FAM161B: variants seen among roughly 807,000 people sequenced by gnomAD.
FAM161B encodes the protein FAM161 centrosomal protein B.
Under a neutral mutation model 61.5 loss-of-function variants are expected in FAM161B, and 46 were observed. The observed-to-expected ratio is 0.75, with a 90% CI of 0.59 to 0.96. FAM161B has a LOEUF of 0.96. Ranked by LOEUF, FAM161B falls within the 40% of genes least tolerant of loss-of-function variation. FAM161B has a pLI of 0.00. For missense variants in FAM161B, 774 were observed against 800.7 expected (o/e 0.97, Z 0.40); for synonymous variants, 284 against 302.7 (o/e 0.94, Z 0.64).
At chr14:73,924,555 G>A in the FAM161B span, 1 of 358,946 alleles carries the variant, frequency 2.8e-6, no homozygotes, top group Non-Finnish European at 5.4e-6. Context: ...TGTGTCATGG[G>A]AGTGGATGAC....
rs1355441392 is a variant in FAM161B at position 73,938,009 on chromosome 14, T to C, written c.1504A>G (p.Lys502Glu). Residue 502 changes from lysine (K) to glutamate (E), a missense_variant, in exon 6 of 9, where the codon AAA becomes GAA. By Grantham distance (56) the Lys-to-Glu change is moderately conservative. Transcript: ENST00000286544. Reference protein sequence around the residue: ...AMSKSVTLRAKAMDPHKSLEE... With the variant: ...AMSKSVTLRAEAMDPHKSLEE... ...AGGCTTTTATGGGGATCCATGGCTT[T>C]TGCACGCAAGGTCACAGATTTGGAC... 6.2e-7 allele frequency: 1 copy of C among 1,614,232 alleles called. No homozygotes were observed. The highest frequency in any genetic ancestry group is 1.3e-5 in the African/African-American group (1 of 75,064).
At chr14:73,938,531 G>C (rs1049992787) in intron 5 of FAM161B, among the ~76,000 whole-genome samples, 1 of 152,046 alleles carries the variant, frequency 6.6e-6, no homozygotes, top group Admixed American at 6.5e-5. Context: ...CCAGCACTTT[G>C]GGAGGCCGAG....
intron 4 of FAM161B, 141 bp from the exon 5 acceptor site, chr14:73,941,194 T>A: frequency 9.4e-7 from 1 of 1,059,086 alleles, no homozygotes; most frequent in Non-Finnish European, 1.3e-6. Context: ...CTCGGCTCAC[T>A]GCAACCTCCA....
chr14:73,929,039 A>C (rs933247985), downstream of FAM161B, among the ~76,000 whole-genome samples: 2 of 152,152 alleles, frequency 1.3e-5, no homozygotes, highest in African/African-American at 4.8e-5. Context: ...AATATTAACA[A>C]CACAAAAGGG....
intron 2 of FAM161B, among the ~76,000 whole-genome samples, chr14:73,945,587 C>G (rs946991857): frequency 6.6e-6 from 1 of 151,658 alleles, no homozygotes; most frequent in Non-Finnish European, 1.5e-5. Context: ...TGCCACCATG[C>G]CCGGCTAATT....
At chr14:73,948,849 C>CT (rs2056093749) in intron 1 of FAM161B, among the ~76,000 whole-genome samples, 1 of 152,172 alleles carries the variant, frequency 6.6e-6, no homozygotes, top group Non-Finnish European at 1.5e-5. Context: ...CACTGGCTCA[C>CT]GCCTGTAATC....
Position 73,944,885 on chromosome 14 carries a change from C to T in FAM161B, c.375G>A (p.Arg125=), listed in dbSNP as rs1201510304. ...MVQVQCPQAL[R]CGSTRRCSSL... ...AGCTGCAGCGCCTTGTGGAGCCACA[C>T]CTGGGAAAAAAGCAGATCTGTGAGT... Residue 125 remains arginine, a splice_region_variant and synonymous_variant, in exon 3 of 9, where the codon AGG becomes AGA. Transcript: ENST00000286544. 3 of 1,508,924 alleles carry T rather than the reference C, an allele frequency of 2.0e-6. No individual in the cohort carries two copies. Among genetic ancestry groups the T allele is most frequent in the Non-Finnish European group, 1.8e-6 (2 of 1,131,060 alleles). The allele number at this position is 1,508,924 out of a possible 1,614,324, so 93.5% of individuals were successfully genotyped here. A position where few individuals can be genotyped will look rare whatever the true frequency, so the allele number is the denominator to read the frequency against.
At chr14:73,928,249 G>A (rs138653518), downstream of FAM161B, among the ~76,000 whole-genome samples, 52 of 152,290 alleles carry the variant, frequency 3.4e-4, 1 homozygote, top group East Asian at 9.5e-3. Flanking sequence ...TCTTGATGGA[G>A]AAGTAGGAGT....
At chr14:73,942,826 G>A (rs2056031676) in intron 3 of FAM161B, 111 bp from the exon 4 acceptor site, 5 of 984,578 alleles carry the variant, frequency 5.1e-6, no homozygotes, top group Non-Finnish European at 4.4e-6. Flanking sequence ...GAGGCAAGTA[G>A]GAACTTTTCA....
At chr14:73,927,985 C>T (rs1300031777), downstream of FAM161B, 1 of 173,546 alleles carries the variant, frequency 5.8e-6, no homozygotes, top group Non-Finnish European at 1.3e-5. Context: ...TTACAGGCGG[C>T]CACCACCACA....
intron 3 of FAM161B, 47 bp downstream of exon 3, chr14:73,944,288 T>C (rs752257271): frequency 3.9e-6 from 6 of 1,532,832 alleles, no homozygotes; most frequent in Middle Eastern, 1.8e-4. Context: ...TATGGTGGGA[T>C]TGGTTCCCCG....
At chr14:73,945,971 A>T (rs1011620073) in intron 2 of FAM161B, among the ~76,000 whole-genome samples, 1 of 152,000 alleles carries the variant, frequency 6.6e-6, no homozygotes, top group Non-Finnish European at 1.5e-5. Context: ...CGAATTCCTG[A>T]CCTCAAGTGA....
rs371297721 is a variant in FAM161B at position 73,944,315 on chromosome 14, G to A, written c.925+20C>T. 5.6e-5 allele frequency: 87 copies of A among 1,550,254 alleles called. No individual in the cohort carries two copies. The African/African-American group carries it at 1.1e-3, about 20-fold the overall frequency. The stretch of plus-strand genomic sequence containing the variant: ...GGTTCCCCGAGGCAGGAGGCAGCAA[G>A]GTGGCAAGGATGTCTTTACCCTGGA... On this transcript the variant is annotated intron_variant, in intron 3 of 8. Transcript: ENST00000286544.
At chr14:73,928,303 T>C (rs1044729639), downstream of FAM161B, among the ~76,000 whole-genome samples, 1 of 151,726 alleles carries the variant, frequency 6.6e-6, no homozygotes, top group Non-Finnish European at 1.5e-5. Flanking sequence ...TGTACAAAGG[T>C]AGAAGGTAAG....
At chr14:73,948,121 A>G (rs145970077) in intron 1 of FAM161B, among the ~76,000 whole-genome samples, 250 of 152,190 alleles carry the variant, frequency 1.6e-3, no homozygotes, top group African/African-American at 5.7e-3. Flanking sequence ...ATGGGGTTTC[A>G]CCATGCTTCC....
chr14:73,946,011 G>C (rs1485277909), intron 2 of FAM161B, among the ~76,000 whole-genome samples: 2 of 152,182 alleles, frequency 1.3e-5, no homozygotes, highest in African/African-American at 4.8e-5. Context: ...CAAAGTGCTG[G>C]AATTACAGGT....
chr14:73,934,527 T>C, intron 8 of FAM161B, 133 bp from the exon 9 acceptor site: 1 of 747,324 alleles, frequency 1.3e-6, no homozygotes, highest in East Asian at 3.1e-5. Context: ...GAAGCAACCC[T>C]CCCACCTCAA....
At chr14:73,946,235 G>A (rs1212096432) in intron 2 of FAM161B, 51 bp downstream of exon 2, 3 of 1,540,198 alleles carry the variant, frequency 1.9e-6, no homozygotes, top group Non-Finnish European at 2.7e-6. Flanking sequence ...GACACGATGT[G>A]ACCTGTGTGG....
chr14:73,942,632 T>G lies in FAM161B; in HGVS notation c.1009A>C (p.Ser337Arg). ...CGGGGCTGTGGGTTAGCCCGGTTAC[T>G]AGAGGAGGCGATAGGGGAAGAGGCC... ...QMASSPIASS[S>R]NRANPQPRTA... is the part of the protein sequence containing the mutation. The change falls in exon 4 of 9, where the codon AGT becomes CGT. Residue 337 changes from serine to arginine, a missense_variant. By Grantham distance (110) the Ser-to-Arg change is moderately radical. Coordinates refer to ENST00000286544, the MANE Select transcript of FAM161B (RefSeq NM_152445.3). 1 of 1,614,188 alleles carries G rather than the reference T, an allele frequency of 6.2e-7. No individual in the cohort carries two copies. Among genetic ancestry groups the G allele is most frequent in the Non-Finnish European group, 8.5e-7 (1 of 1,180,026 alleles).
Sources: gnomAD v4.1 joint callset for allele counts (sites outside exome capture counted in the v4.1 genomes callset) on GRCh38, gnomAD v4.1.1 for gene constraint, MANE v1.5 for transcripts, NCBI Gene and HGNC (gene_info 2026-07-23, HGNC 2026-07-21) for gene names.